The following PTPRD variants were observed in gnomAD, a reference collection of about 807,000 sequenced individuals.
PTPRD encodes protein tyrosine phosphatase receptor type D, also known as receptor-type tyrosine-protein phosphatase delta.
PTPRD carries 34 observed loss-of-function variants against 214.5 expected under a neutral mutation model. The observed-to-expected ratio is 0.16, with a 90% CI of 0.12 to 0.21. The LOEUF (loss-of-function observed/expected upper bound fraction) is 0.21, where lower values mean the gene tolerates loss of function less well. Ranked by LOEUF, PTPRD falls within the 10% of genes least tolerant of loss-of-function variation. PTPRD has a pLI of 1.00. For missense variants in PTPRD, 2,545 were observed against 2,398.7 expected, an observed-to-expected ratio of 1.06 and a Z score of -1.27; for synonymous variants, 1,128 against 845.7, an observed-to-expected ratio of 1.33 and a Z score of -5.79.
At chr9:9,365,186 AT>A (rs2057520534) in intron 9 of PTPRD, among the ~76,000 whole-genome samples, 1 of 151,520 alleles carries the variant, frequency 6.6e-6, no homozygotes, top group Non-Finnish European at 1.5e-5. Flanking sequence ...GCTTTTTAAA[AT>A]TGTTCTATGT....
intron 3 of PTPRD, among the ~76,000 whole-genome samples, chr9:10,044,325 A>C (rs2097350955): frequency 6.6e-6 from 1 of 151,824 alleles, no homozygotes; most frequent in Non-Finnish European, 1.5e-5. Context: ...TATGCTACTA[A>C]ATTTTTCTTT....
rs2096369078 is a variant in PTPRD, at chr9:8,460,585, G to C, written c.3715-14C>G. ...TGCATACATCTTCTGAGGAAAAGCA[G>C]AGTCTATTTCAGTTATAAAATAATG... On this transcript the variant is annotated splice_polypyrimidine_tract_variant and intron_variant, in intron 32 of 45. Coordinates refer to ENST00000381196, the MANE Select transcript of PTPRD (RefSeq NM_002839.4). The C allele has an allele frequency of 1.2e-6, 2 of 1,608,502 alleles. No homozygotes were observed. The highest frequency in any genetic ancestry group is 8.5e-7 in the Non-Finnish European group (1 of 1,178,136).
At chr9:9,507,496 G>C (rs1375805090) in intron 8 of PTPRD, among the ~76,000 whole-genome samples, 1 of 151,092 alleles carries the variant, frequency 6.6e-6, no homozygotes, top group African/African-American at 2.4e-5. Context: ...AAGAAGACAA[G>C]ATAAAATGAA....
At chr9:9,779,266 A>G (rs1459209376) in intron 5 of PTPRD, among the ~76,000 whole-genome samples, 1 of 152,060 alleles carries the variant, frequency 6.6e-6, no homozygotes, top group Non-Finnish European at 1.5e-5. Flanking sequence ...AAGAAAACCT[A>G]GAAAATACAC....
At chr9:9,767,150 T>C (rs1207157466) in intron 5 of PTPRD, among the ~76,000 whole-genome samples, 1 of 151,986 alleles carries the variant, frequency 6.6e-6, no homozygotes, top group Non-Finnish European at 1.5e-5. Flanking sequence ...AGAAAGAACA[T>C]ATACAGATAT....
At chr9:10,126,912 C>A (rs555621577) in intron 3 of PTPRD, among the ~76,000 whole-genome samples, 141 of 149,992 alleles carry the variant, frequency 9.4e-4, no homozygotes, top group African/African-American at 3.2e-3. Context: ...GTAACCAGCT[C>A]CCAGAATGCC....
At chr9:9,192,501 T>A (rs867910950) in intron 9 of PTPRD, among the ~76,000 whole-genome samples, 3 of 152,146 alleles carry the variant, frequency 2.0e-5, no homozygotes, top group African/African-American at 7.2e-5. Flanking sequence ...AACAGAAATT[T>A]CTAATGAATA....
At chr9:10,571,607 G>C (rs1466463865) in intron 2 of PTPRD, among the ~76,000 whole-genome samples, 3 of 152,100 alleles carry the variant, frequency 2.0e-5, no homozygotes, top group African/African-American at 7.2e-5. Context: ...CCACCATCAA[G>C]GAATGTTACT....
intron 10 of PTPRD, among the ~76,000 whole-genome samples, chr9:9,048,274 C>A (rs897252315): frequency 2.6e-5 from 4 of 152,094 alleles, no homozygotes; most frequent in African/African-American, 9.7e-5. Flanking sequence ...ATAGAGCTAA[C>A]ACATGATCCA....
At chr9:9,124,828 T>C (rs1411229140) in intron 10 of PTPRD, among the ~76,000 whole-genome samples, 2 of 152,208 alleles carry the variant, frequency 1.3e-5, no homozygotes, top group Non-Finnish European at 2.9e-5. Context: ...CTGGGCAATT[T>C]TCCCTATATT....
chr9:8,680,106 T>G (rs1460033802), intron 12 of PTPRD, among the ~76,000 whole-genome samples: 3 of 152,042 alleles, frequency 2.0e-5, no homozygotes, highest in Non-Finnish European at 4.4e-5. Flanking sequence ...ACTGCATAAT[T>G]ACACATATAT....
intron 5 of PTPRD, among the ~76,000 whole-genome samples, chr9:9,925,291 A>G (rs752689496): frequency 9.9e-5 from 15 of 152,118 alleles, no homozygotes; most frequent in Non-Finnish European, 1.9e-4. Flanking sequence ...CTTACTAAAC[A>G]GAAATTCACA....
At chr9:9,937,502 G>T in intron 5 of PTPRD, among the ~76,000 whole-genome samples, 1 of 150,092 alleles carries the variant, frequency 6.7e-6, no homozygotes. Flanking sequence ...TATATATTTG[G>T]GCTATTTATG....
At position 8,820,232 on chromosome 9, in the gene PTPRD, A is replaced by G. The variant is rs78737949; in HGVS notation, c.-103-86286T>C. Among the ~76,000 whole-genome samples, 35 of 152,278 alleles carry G rather than the reference A, an allele frequency of 2.3e-4. No homozygotes were observed. In the East Asian group the frequency reaches 6.2e-3, roughly 27 times the overall value. On this transcript the variant is annotated intron_variant, in intron 11 of 45. Transcript: ENST00000381196. ...GGTGCAATTCTGATGTCTACTGCAC[A>G]GATGTGAAAACTGAGGCACACATAG...
At chr9:10,425,956 TATAC>T (rs1443973540) in intron 2 of PTPRD, among the ~76,000 whole-genome samples, 17 of 152,064 alleles carry the variant, frequency 1.1e-4, no homozygotes, top group African/African-American at 3.8e-4. Flanking sequence ...TTCAAGAATA[TATAC>T]ATATACACAC....
At chr9:9,902,900 G>T (rs1209500160) in intron 5 of PTPRD, among the ~76,000 whole-genome samples, 7 of 151,968 alleles carry the variant, frequency 4.6e-5, no homozygotes, top group Non-Finnish European at 8.8e-5. Flanking sequence ...ACATTTTTTT[G>T]TTTGTGTAAT....
intron 10 of PTPRD, among the ~76,000 whole-genome samples, chr9:9,021,189 G>C (rs1589937959): frequency 6.6e-6 from 1 of 152,060 alleles, no homozygotes; most frequent in East Asian, 1.9e-4. Flanking sequence ...AATCAAATTA[G>C]AAATGAAGTA....
intron 32 of PTPRD, 93 bp from the exon 33 acceptor site, chr9:8,460,664 G>C: frequency 3.2e-6 from 4 of 1,265,356 alleles, no homozygotes; most frequent in African/African-American, 1.5e-5. Flanking sequence ...CCAGGAAATA[G>C]TGGATTTAAT....
chr9:8,856,984 CTTACAACTTTG>C (rs1208515076), intron 11 of PTPRD, among the ~76,000 whole-genome samples: 1 of 152,170 alleles, frequency 6.6e-6, no homozygotes, highest in African/African-American at 2.4e-5. Flanking sequence ...TAAATTGTTT[CTTACAACTTTG>C]ACTCTTCATT....
Sources: allele counts gnomAD v4.1 joint callset (sites outside exome capture counted in the v4.1 genomes callset), GRCh38; gene constraint gnomAD v4.1.1; transcripts MANE v1.5; gene names NCBI Gene and HGNC (gene_info 2026-07-23, HGNC 2026-07-21).